LRRTM4: variants seen among roughly 807,000 people sequenced by gnomAD.
LRRTM4 encodes leucine-rich repeat transmembrane neuronal protein 4.
In LRRTM4, 25 loss-of-function variants were observed where a neutral mutation model predicts 47.6. The observed-to-expected ratio is 0.53, with a 90% CI of 0.38 to 0.73. LRRTM4 has a LOEUF of 0.73. LRRTM4 is among the 30% of genes least tolerant of loss of function. The pLI is 0.00. For missense variants in LRRTM4, 638 were observed against 713.4 expected, an observed-to-expected ratio of 0.89 and a Z score of 1.20; for synonymous variants, 311 against 269.5, an observed-to-expected ratio of 1.15 and a Z score of -1.51.
intron 3 of LRRTM4, among the ~76,000 whole-genome samples, chr2:77,461,508 C>G (rs971122219): frequency 2.6e-5 from 4 of 152,082 alleles, no homozygotes; most frequent in South Asian, 2.1e-4. Context: ...CATTCCCTAC[C>G]TCTAATTACC....
chr2:77,222,195 A>G (rs1334415825), intron 3 of LRRTM4, among the ~76,000 whole-genome samples: 1 of 152,230 alleles, frequency 6.6e-6, no homozygotes, highest in African/African-American at 2.4e-5. Context: ...TCTCTGGGAC[A>G]CATTCAAAGC....
intron 3 of LRRTM4, among the ~76,000 whole-genome samples, chr2:77,484,761 T>C (rs960980550): frequency 6.6e-5 from 10 of 152,180 alleles, no homozygotes. Flanking sequence ...AAAAAAGTTT[T>C]CAGGTTTTTT....
chr2:76,840,102 T>A (rs1393072449), intron 3 of LRRTM4, among the ~76,000 whole-genome samples: 1 of 152,178 alleles, frequency 6.6e-6, no homozygotes, highest in Non-Finnish European at 1.5e-5. Context: ...TGCTTTTGAA[T>A]ATCATTGTTT....
intron 3 of LRRTM4, among the ~76,000 whole-genome samples, chr2:76,779,412 C>T (rs979413761): frequency 2.2e-4 from 33 of 150,384 alleles, no homozygotes; most frequent in East Asian, 9.8e-4. Flanking sequence ...CTTTGTAGGT[C>T]GCTCAGGACT....
intron 3 of LRRTM4, among the ~76,000 whole-genome samples, chr2:76,857,368 T>A (rs1392370835): frequency 6.7e-6 from 1 of 149,834 alleles, no homozygotes; most frequent in Non-Finnish European, 1.5e-5. Context: ...TGGCTTGTTT[T>A]GATATTCATA....
chr2:77,058,759 C>A (rs1416817494), intron 3 of LRRTM4, among the ~76,000 whole-genome samples: 1 of 151,942 alleles, frequency 6.6e-6, no homozygotes, highest in Non-Finnish European at 1.5e-5. Context: ...ATTATGTTTT[C>A]TTGTTTTCTA....
At chr2:76,910,744 C>G (rs1419178706) in intron 3 of LRRTM4, among the ~76,000 whole-genome samples, 1 of 152,176 alleles carries the variant, frequency 6.6e-6, no homozygotes, top group African/African-American at 2.4e-5. Context: ...TATGTAAAAA[C>G]AACCATGGTG....
intron 3 of LRRTM4, among the ~76,000 whole-genome samples, chr2:77,073,380 TTCAA>T (rs973350826): frequency 9.9e-5 from 15 of 151,310 alleles, no homozygotes; most frequent in African/African-American, 3.7e-4. Context: ...TGGTCTATAT[TTCAA>T]TCAGATAAAT....
Position 77,518,361 on chromosome 2 carries a change from G to C in LRRTM4, c.1508C>G (p.Ser503Cys). ...SETMDISVNG[S>C]GPCTYTISGS... ...AGAGATGGTATATGTGCAGGGCCCA[G>C]ATCCATTAACCGATATATCCATGGT... The change falls in exon 3 of 4, where the codon TCT becomes TGT. Residue 503 changes from serine to cysteine, a missense_variant. By Grantham distance (112) the Ser-to-Cys change is moderately radical. Coordinates refer to ENST00000409884, the MANE Select transcript of LRRTM4 (RefSeq NM_001134745.3). The C allele has an allele frequency of 6.2e-7, 1 of 1,612,610 alleles. No individual in the cohort carries two copies. The highest frequency in any genetic ancestry group is 8.5e-7 in the Non-Finnish European group (1 of 1,179,284).
intron 3 of LRRTM4, among the ~76,000 whole-genome samples, chr2:77,451,011 A>C (rs1676234552): frequency 6.6e-6 from 1 of 152,190 alleles, no homozygotes; most frequent in Non-Finnish European, 1.5e-5. Context: ...TCTATATGTA[A>C]ACTTTTGCAA....
At position 77,494,150 on chromosome 2, in the gene LRRTM4, G is replaced by GCGTGATTTTC. The variant is rs751771567; in HGVS notation, c.1551+24167_1551+24168insGAAAATCACG. On this transcript the variant is annotated intron_variant, in intron 3 of 3. Coordinates refer to ENST00000409884, the MANE Select transcript of LRRTM4 (RefSeq NM_001134745.3). Reference sequence around the variant, plus strand: ...TAGAGTATTTTCTTAATATGTTAAAGGTTTTACAGCGAAAATCAATTGCTG... The same window carrying GCGTGATTTTC: ...TAGAGTATTTTCTTAATATGTTAAAGCGTGATTTTCGTTTTACAGCGAAAATCAATTGCTG... Among the ~76,000 whole-genome samples, 32 of 152,132 alleles carry GCGTGATTTTC rather than the reference G, an allele frequency of 2.1e-4. No homozygotes were observed. The Middle Eastern group carries it at 0.01, about 49-fold the overall frequency.
intron 3 of LRRTM4, among the ~76,000 whole-genome samples, chr2:77,430,503 C>G (rs574765251): frequency 6.6e-6 from 1 of 152,152 alleles, no homozygotes; most frequent in South Asian, 2.1e-4. Context: ...GGGAGGATCA[C>G]CTGACATCGG....
At chr2:77,090,284 T>C (rs1670565365) in intron 3 of LRRTM4, among the ~76,000 whole-genome samples, 1 of 152,178 alleles carries the variant, frequency 6.6e-6, no homozygotes, top group African/African-American at 2.4e-5. Context: ...CAGAAGCGTT[T>C]AGGCTCTTTC....
At chr2:77,075,493 A>G (rs1176810) in intron 3 of LRRTM4, among the ~76,000 whole-genome samples, 6,267 of 152,292 alleles carry the variant, frequency 0.041, 168 homozygotes, top group Non-Finnish European at 0.062. Flanking sequence ...CAGCAATACT[A>G]ATACTACTAC....
chr2:77,220,066 A>G (rs1674575216), intron 3 of LRRTM4, among the ~76,000 whole-genome samples: 1 of 152,114 alleles, frequency 6.6e-6, no homozygotes, highest in Non-Finnish European at 1.5e-5. Flanking sequence ...GCTGTTCTGC[A>G]ACCACCGCTG....
intron 3 of LRRTM4, among the ~76,000 whole-genome samples, chr2:77,381,856 A>AG (rs898370564): frequency 6.6e-6 from 1 of 152,148 alleles, no homozygotes; most frequent in Middle Eastern, 3.4e-3. Flanking sequence ...AGGATAATGT[A>AG]TTTTTATTGT....
chr2:76,786,317 A>T (rs1391030057), intron 3 of LRRTM4, among the ~76,000 whole-genome samples: 1 of 152,238 alleles, frequency 6.6e-6, no homozygotes, highest in South Asian at 2.1e-4. Flanking sequence ...AAGAATATTT[A>T]TAACAGATAG....
chr2:76,801,671 AAAAG>A (rs1253143750), intron 3 of LRRTM4, among the ~76,000 whole-genome samples: 4 of 152,038 alleles, frequency 2.6e-5, no homozygotes, highest in East Asian at 3.9e-4. Flanking sequence ...TAATAAAAAA[AAAAG>A]AAAAGTACAG....
At chr2:77,097,884 T>C (rs890333717) in intron 3 of LRRTM4, among the ~76,000 whole-genome samples, 1 of 151,886 alleles carries the variant, frequency 6.6e-6, no homozygotes, top group African/African-American at 2.4e-5. Flanking sequence ...AAGACAATGG[T>C]TATTGTTTAA....
Sources: allele counts gnomAD v4.1 joint callset (sites outside exome capture counted in the v4.1 genomes callset), GRCh38; gene constraint gnomAD v4.1.1; transcripts MANE v1.5; gene names NCBI Gene and HGNC (gene_info 2026-07-23, HGNC 2026-07-21).